CD300E: variants seen among roughly 807,000 people sequenced by gnomAD.
The protein encoded by CD300E is CMRF35-like molecule 2.
CD300E carries 14 observed loss-of-function variants against 20.9 expected under a neutral mutation model. The ratio of observed to expected loss-of-function variants is 0.67; its 90% CI spans 0.44 to 1.05. CD300E has a LOEUF of 1.05. CD300E is among the 50% of genes least tolerant of loss of function. The pLI is 0.00. For missense variants in CD300E, 237 were observed against 253.9 expected (o/e 0.93, Z 0.45); for synonymous variants, 102 against 103.7 (o/e 0.98, Z 0.10).
chr17:74,615,982 G>T (rs2030890409), intron 2 of CD300E, among the ~76,000 whole-genome samples: 1 of 152,154 alleles, frequency 6.6e-6, no homozygotes, highest in South Asian at 2.1e-4. Flanking sequence ...GCTACTCAGG[G>T]GGCTGAGGTG....
chr17:74,620,848 G>A (rs1218777339), intron 1 of CD300E, among the ~76,000 whole-genome samples: 1 of 152,042 alleles, frequency 6.6e-6, no homozygotes, highest in African/African-American at 2.4e-5. Context: ...GGTGAGACCA[G>A]CCTGGCTAAC....
In CD300E at chr17:74,612,190, C is replaced by T. The variant is rs1274984688; in HGVS notation, c.*463G>A. ...CTCCAGAAAATTTTTTCCCTCCCTT[C>T]CTCCGTCCTTTTCTCTCTCTCTCTC... is the stretch of plus-strand genomic sequence containing the variant. On this transcript the variant is annotated 3_prime_UTR_variant, in exon 4 of 4. Coordinates refer to ENST00000392619, the MANE Select transcript of CD300E (RefSeq NM_181449.3). 6.6e-6 allele frequency: 1 copy of T among 151,072 alleles called. No homozygotes were observed. Among genetic ancestry groups the T allele is most frequent in the Non-Finnish European group, 1.5e-5 (1 of 68,508 alleles). 9.4% of individuals were successfully genotyped at this position (151,072 alleles called of 1,614,324 possible).
At chr17:74,621,685 T>C (rs749539114) in intron 1 of CD300E, among the ~76,000 whole-genome samples, 1 of 152,206 alleles carries the variant, frequency 6.6e-6, no homozygotes, top group Non-Finnish European at 1.5e-5. Flanking sequence ...GTCAGCTATT[T>C]TGTCACTATT....
intron 1 of CD300E, among the ~76,000 whole-genome samples, chr17:74,621,609 T>C (rs756253113): frequency 2.2e-4 from 33 of 152,238 alleles, no homozygotes; most frequent in Non-Finnish European, 3.8e-4. Flanking sequence ...TTGAGGTTAA[T>C]GGGAGCTACT....
At position 74,612,611 on chromosome 17, in the gene CD300E, T is replaced by C. The variant is rs1389622022; in HGVS notation, c.*42A>G. The stretch of plus-strand genomic sequence containing the variant: ...AAGGTTGACTCCCTGCACGGGGCAC[T>C]CCTGGGGATGGGGCTCTGCAGGGCT... On this transcript the variant is annotated 3_prime_UTR_variant, in exon 4 of 4. Coordinates refer to ENST00000392619, the MANE Select transcript of CD300E (RefSeq NM_181449.3). 3.2e-5 allele frequency: 51 copies of C among 1,608,132 alleles called. No homozygotes were observed. The highest frequency in any genetic ancestry group is 4.3e-5 in the Non-Finnish European group (51 of 1,178,420).
Position 74,612,247 on chromosome 17 carries a change from G to GTCTCTCTCTCTCTCTC in CD300E, c.*390_*405dup, listed in dbSNP as rs148872036. Reference sequence around the variant, plus strand: ...TCGCTCTCTCTCTCTCTCTCTCTCTGTCTCTCTCTCTCTCTCTCTCTCTCT... The same window carrying GTCTCTCTCTCTCTCTC: ...TCGCTCTCTCTCTCTCTCTCTCTCTGTCTCTCTCTCTCTCTCTCTCTCTCTCTCTCTCTCTCTCTCT... On this transcript the variant is annotated 3_prime_UTR_variant, in exon 4 of 4. Transcript: ENST00000392619. 3.9e-5 allele frequency: 4 copies of GTCTCTCTCTCTCTCTC among 103,152 alleles called. No individual in the cohort carries two copies. Among genetic ancestry groups the GTCTCTCTCTCTCTCTC allele is most frequent in the African/African-American group, 1.5e-4 (4 of 27,414 alleles). The allele number at this position is 103,152 out of a possible 1,614,324, so 6.4% of individuals were successfully genotyped here.
intron 3 of CD300E, 131 bp from the exon 4 acceptor site, chr17:74,612,904 C>T: frequency 1.6e-6 from 2 of 1,269,786 alleles, no homozygotes; most frequent in Non-Finnish European, 2.1e-6. Flanking sequence ...GGACCTATGC[C>T]AGGGCAGCCC....
intron 1 of CD300E, 99 bp from the exon 2 acceptor site, chr17:74,617,564 G>A (rs973569468): frequency 3.9e-6 from 4 of 1,023,466 alleles, no homozygotes; most frequent in African/African-American, 3.2e-5. Flanking sequence ...GGAGACCTGG[G>A]TGTTTCCTGG....
intron 1 of CD300E, among the ~76,000 whole-genome samples, chr17:74,622,595 A>G (rs1481313809): frequency 6.6e-6 from 1 of 152,176 alleles, no homozygotes; most frequent in Non-Finnish European, 1.5e-5. Context: ...CCCAGAGACA[A>G]ATGTGTTTTC....
chr17:74,615,498 G>C (rs1254770332), intron 2 of CD300E, among the ~76,000 whole-genome samples: 6 of 152,178 alleles, frequency 3.9e-5, no homozygotes, highest in African/African-American at 1.2e-4. Context: ...TTCTCAGGAA[G>C]GTAGATGTAT....
At chr17:74,621,647 T>A (rs1268848827) in intron 1 of CD300E, among the ~76,000 whole-genome samples, 4 of 152,350 alleles carry the variant, frequency 2.6e-5, no homozygotes, top group Admixed American at 2.6e-4. Context: ...CAGTTCAGAA[T>A]GGAAATACCA....
At chr17:74,616,647 G>A (rs376411764) in intron 2 of CD300E, among the ~76,000 whole-genome samples, 26 of 152,250 alleles carry the variant, frequency 1.7e-4, no homozygotes, top group African/African-American at 5.1e-4. Context: ...ATTGGGACAC[G>A]GCTCCATGGC....
chr17:74,619,994 T>C (rs919534077), intron 1 of CD300E, among the ~76,000 whole-genome samples: 1 of 152,240 alleles, frequency 6.6e-6, no homozygotes, highest in African/African-American at 2.4e-5. Flanking sequence ...CTCATTGAAA[T>C]GAAACCAATT....
intron 2 of CD300E, among the ~76,000 whole-genome samples, chr17:74,616,749 C>A (rs1016643211): frequency 2.6e-5 from 4 of 152,168 alleles, no homozygotes; most frequent in African/African-American, 9.7e-5. Flanking sequence ...TATTTCAAAA[C>A]AACATGGTAG....
At chr17:74,619,131 G>A (rs953597565) in intron 1 of CD300E, 17 of 471,122 alleles carry the variant, frequency 3.6e-5, no homozygotes, top group Admixed American at 2.1e-4. Context: ...CTTCCTCCTG[G>A]AGGTGGCACA....
intron 3 of CD300E, among the ~76,000 whole-genome samples, chr17:74,613,037 C>T (rs890222435): frequency 2.6e-5 from 4 of 152,166 alleles, no homozygotes; most frequent in Non-Finnish European, 4.4e-5. Context: ...TCCACAGCAC[C>T]CTCTCTGTCC....
intron 1 of CD300E, among the ~76,000 whole-genome samples, chr17:74,620,524 T>C (rs1278160629): frequency 6.6e-6 from 1 of 151,646 alleles, no homozygotes; most frequent in Non-Finnish European, 1.5e-5. Flanking sequence ...GCACCTGTAG[T>C]CCCAGCTACT....
At chr17:74,622,719 A>G (rs1185056093) in intron 1 of CD300E, among the ~76,000 whole-genome samples, 1 of 147,044 alleles carries the variant, frequency 6.8e-6, no homozygotes, top group East Asian at 2.0e-4. Context: ...GGAAGGATTT[A>G]AGGTAGATGT....
At chr17:74,617,553 G>T in intron 1 of CD300E, 88 bp from the exon 2 acceptor site, 1 of 1,132,948 alleles carries the variant, frequency 8.8e-7, no homozygotes. Context: ...AAGATTGCCA[G>T]GGAGACCTGG....
Sources: allele counts gnomAD v4.1 joint callset (sites outside exome capture counted in the v4.1 genomes callset), GRCh38; gene constraint gnomAD v4.1.1; transcripts MANE v1.5; gene names NCBI Gene and HGNC (gene_info 2026-07-23, HGNC 2026-07-21).